The following FHIT variants were observed in gnomAD, a reference collection of about 807,000 sequenced individuals.
FHIT encodes bis(5'-adenosyl)-triphosphatase.
A neutral mutation model predicts 17.9 loss-of-function variants in FHIT; 19 were observed. That is an observed-to-expected ratio of 1.06 (90% CI 0.74 to 1.56). The LOEUF (loss-of-function observed/expected upper bound fraction) is 1.56. FHIT is among the 40% of genes most tolerant of loss of function. The probability of loss-of-function intolerance (pLI) is 0.00; values close to 1 mark genes in which losing one functional copy is unlikely to be tolerated. For missense variants in FHIT, 248 were observed against 189.2 expected (o/e 1.31, Z -1.82); for synonymous variants, 81 against 69.7 (o/e 1.16, Z -0.81).
chr3:60,613,789 G>T (rs1399700995), intron 4 of FHIT, among the ~76,000 whole-genome samples: 1 of 152,088 alleles, frequency 6.6e-6, no homozygotes, highest in East Asian at 1.9e-4. Context: ...GCTACTAGTA[G>T]CTTCTCCCCA....
intron 4 of FHIT, among the ~76,000 whole-genome samples, chr3:60,667,782 C>G (rs2040414741): frequency 6.6e-6 from 1 of 152,112 alleles, no homozygotes; most frequent in African/African-American, 2.4e-5. Context: ...TCATGTGGGT[C>G]TTGGCTACTT....
intron 4 of FHIT, among the ~76,000 whole-genome samples, chr3:60,569,744 TATATATATATA>T (rs1559547651): frequency 1.1e-4 from 8 of 76,188 alleles, no homozygotes; most frequent in Admixed American, 1.7e-4. Flanking sequence ...TATATATATA[TATATATATATA>T]TTTTTTTTTT....
chr3:60,156,539 A>T (rs1700702381), intron 5 of FHIT, among the ~76,000 whole-genome samples: 2 of 152,118 alleles, frequency 1.3e-5, no homozygotes. Context: ...ACTAGAGCCC[A>T]GGAGTTCAAG....
intron 4 of FHIT, among the ~76,000 whole-genome samples, chr3:60,749,391 G>C (rs184604638): frequency 6.6e-6 from 1 of 152,038 alleles, no homozygotes; most frequent in Non-Finnish European, 1.5e-5. Context: ...GTGGGTACCC[G>C]ACATTACCAC....
chr3:60,752,962 G>T (rs1016824585), intron 4 of FHIT, among the ~76,000 whole-genome samples: 3 of 152,036 alleles, frequency 2.0e-5, no homozygotes, highest in Non-Finnish European at 4.4e-5. Context: ...CATTACTTTC[G>T]ACAGCCCTAA....
chr3:60,150,612 A>C (rs1291876763), intron 5 of FHIT, among the ~76,000 whole-genome samples: 3 of 152,138 alleles, frequency 2.0e-5, no homozygotes, highest in Non-Finnish European at 4.4e-5. Flanking sequence ...GTGCACCTTA[A>C]TTATTTTAAG....
At chr3:60,599,357 G>A (rs368831812) in intron 4 of FHIT, among the ~76,000 whole-genome samples, 10 of 152,284 alleles carry the variant, frequency 6.6e-5, no homozygotes, top group Middle Eastern at 3.4e-3. Flanking sequence ...GTGGTCACCT[G>A]CAAATATCAA....
At chr3:60,828,673 T>C (rs1702209813) in intron 3 of FHIT, among the ~76,000 whole-genome samples, 1 of 148,758 alleles carries the variant, frequency 6.7e-6, no homozygotes, top group African/African-American at 2.5e-5. Context: ...AGGTCAGGAG[T>C]TTGAGACCAG....
chr3:60,699,472 G>A (rs1287678202), intron 4 of FHIT, among the ~76,000 whole-genome samples: 7 of 151,958 alleles, frequency 4.6e-5, no homozygotes, highest in African/African-American at 1.7e-4. Context: ...TAACTAATGG[G>A]GCTGAGAGTT....
At chr3:60,803,904 A>C (rs1322749976) in intron 4 of FHIT, among the ~76,000 whole-genome samples, 1 of 152,200 alleles carries the variant, frequency 6.6e-6, no homozygotes, top group Non-Finnish European at 1.5e-5. Flanking sequence ...GGTCCATTTT[A>C]AAAACTTGCT....
chr3:60,626,253 C>G (rs776791026), intron 4 of FHIT, among the ~76,000 whole-genome samples: 31 of 152,114 alleles, frequency 2.0e-4, no homozygotes, highest in Non-Finnish European at 4.3e-4. Flanking sequence ...TCAAGTTTTA[C>G]AACAATATCT....
At chr3:60,193,202 G>A (rs1407808199) in intron 5 of FHIT, among the ~76,000 whole-genome samples, 2 of 152,166 alleles carry the variant, frequency 1.3e-5, no homozygotes, top group African/African-American at 2.4e-5. Flanking sequence ...TCGTGCCCAA[G>A]CCTAAATGCG....
intron 5 of FHIT, among the ~76,000 whole-genome samples, chr3:60,077,770 G>A (rs1373836242): frequency 6.8e-6 from 1 of 146,958 alleles, no homozygotes; most frequent in East Asian, 2.0e-4. Context: ...TAACATGTAG[G>A]ATGAACAAGT....
chr3:60,292,724 A>G (rs1463526818), intron 5 of FHIT, among the ~76,000 whole-genome samples: 1 of 152,212 alleles, frequency 6.6e-6, no homozygotes, highest in Non-Finnish European at 1.5e-5. Flanking sequence ...GCTGAATGCC[A>G]TCAGTGGACA....
chr3:60,388,660 T>C (rs1701107910), intron 5 of FHIT, among the ~76,000 whole-genome samples: 1 of 151,994 alleles, frequency 6.6e-6, no homozygotes, highest in African/African-American at 2.4e-5. Flanking sequence ...AGACAGAAAA[T>C]ATTTTCAAAT....
chr3:60,832,807 A>G (rs1274913205), intron 3 of FHIT, among the ~76,000 whole-genome samples: 1 of 152,164 alleles, frequency 6.6e-6, no homozygotes, highest in Non-Finnish European at 1.5e-5. Flanking sequence ...ACTTAACCCA[A>G]TATATCAAAA....
chr3:61,221,857 G>T (rs561161401), intron 1 of FHIT, among the ~76,000 whole-genome samples: 11 of 152,334 alleles, frequency 7.2e-5, no homozygotes, highest in Non-Finnish European at 1.5e-4. Flanking sequence ...AGAAGAGTGG[G>T]GTCCAACGTC....
chr3:60,797,455 C>CAGTAGTAGT (rs59090057), intron 4 of FHIT, among the ~76,000 whole-genome samples: 13,863 of 147,926 alleles, frequency 0.094, 738 homozygotes, highest in Middle Eastern at 0.13. Context: ...AAAGAAATTG[C>CAGTAGTAGT]AGTAGTAGTA....
chr3:60,127,735 G>A (rs996161367), intron 5 of FHIT, among the ~76,000 whole-genome samples: 5 of 152,048 alleles, frequency 3.3e-5, no homozygotes, highest in African/African-American at 1.2e-4. Context: ...TGAGTAGCTA[G>A]CACTATTGGC....
Sources: gnomAD v4.1 joint callset for allele counts (sites outside exome capture counted in the v4.1 genomes callset) on GRCh38, gnomAD v4.1.1 for gene constraint, MANE v1.5 for transcripts, NCBI Gene and HGNC (gene_info 2026-07-23, HGNC 2026-07-21) for gene names.